Variants in HELLS observed in about 807,000 individuals in gnomAD.
The protein encoded by HELLS is helicase, lymphoid specific.
A neutral mutation model predicts 120.0 loss-of-function variants in HELLS; 32 were observed. The ratio of observed to expected loss-of-function variants is 0.27; its 90% confidence interval spans 0.20 to 0.36. The LOEUF (loss-of-function observed/expected upper bound fraction) is 0.36, where lower values mean the gene tolerates loss of function less well. Ranked by LOEUF, HELLS falls within the 10% of genes least tolerant of loss-of-function variation. The pLI is 1.00. For synonymous variants in HELLS, 341 were observed against 323.4 expected (o/e 1.05, Z -0.58); for missense variants, 650 against 993.4 (o/e 0.65, Z 4.65).
At chr10:94,567,428 A>G (rs775317337) in intron 6 of HELLS, among the ~76,000 whole-genome samples, 1 of 151,912 alleles carries the variant, frequency 6.6e-6, no homozygotes, top group Admixed American at 6.6e-5. Flanking sequence ...CCTTCCGAGT[A>G]GCTAGGATTA....
rs1368971434 is a variant in HELLS, at chr10:94,571,403, G to A, written c.451G>A (p.Ala151Thr). ...VMSKEEILSV[A>T]KKNKKENEDE... ...AAACTACTAGGAAATTTTGTCTGTG[G>A]CTAAAAAAAATAAAAAGGAGAATGA... Residue 151 changes from alanine to threonine, a missense_variant, in exon 7 of 22, where the codon GCT becomes ACT. Physicochemically the swap from Ala to Thr is moderately conservative, Grantham distance 58 (BLOSUM62 0). This residue lies in a region of HELLS where 113 missense variants were observed against 120.7 expected (regional missense o/e 0.94). Coordinates refer to ENST00000348459, the MANE Select transcript of HELLS (RefSeq NM_018063.5). The A allele has an allele frequency of 4.7e-6, 7 of 1,490,326 alleles. No homozygotes were observed. Among genetic ancestry groups the A allele is most frequent in the Middle Eastern group, 3.5e-4 (2 of 5,700 alleles). The allele number at this position is 1,490,326 out of a possible 1,614,324, so 92.3% of individuals were successfully genotyped here. A position where few individuals can be genotyped will look rare whatever the true frequency, so the allele number is the denominator to read the frequency against.
chr10:94,571,321 T>C, intron 6 of HELLS, 67 bp from the exon 7 acceptor site: 2 of 1,253,054 alleles, frequency 1.6e-6, no homozygotes, highest in Non-Finnish European at 2.3e-6. Context: ...GAATAAATGC[T>C]TGTTGAATAA....
At chr10:94,547,162 T>C (rs1842785738) in intron 2 of HELLS, among the ~76,000 whole-genome samples, 1 of 152,224 alleles carries the variant, frequency 6.6e-6, no homozygotes, top group Non-Finnish European at 1.5e-5. Flanking sequence ...TTGTTTATTC[T>C]AAAGCCCCAC....
chr10:94,573,501 T>C (rs1434851579), intron 7 of HELLS, among the ~76,000 whole-genome samples: 1 of 152,054 alleles, frequency 6.6e-6, no homozygotes, highest in Non-Finnish European at 1.5e-5. Context: ...TGGAGTCTTC[T>C]GTCACCCAGG....
rs1375184062 is a variant in HELLS at position 94,597,836 on chromosome 10, C to T, written c.2422+725C>T. 2.0e-5 allele frequency among the ~76,000 whole-genome samples: 3 copies of T among 152,058 alleles called. 1 individual carries two copies. The highest frequency in any genetic ancestry group is 1.3e-4 in the Admixed American group (2 of 15,256). On this transcript the variant is annotated intron_variant, in intron 21 of 21. Coordinates refer to ENST00000348459, the MANE Select transcript of HELLS (RefSeq NM_018063.5). The stretch of plus-strand genomic sequence containing the variant: ...GCATGAGCCACTGCACCAAGCCTAA[C>T]GTGGTGATTTTTAGTATCCCTTGAA...
At chr10:94,558,984 G>A (rs1056499595) in intron 4 of HELLS, among the ~76,000 whole-genome samples, 10 of 152,112 alleles carry the variant, frequency 6.6e-5, no homozygotes, top group African/African-American at 2.4e-4. Flanking sequence ...GATGCAAGGA[G>A]ATAAAGAACA....
At chr10:94,554,397 AC>A in intron 3 of HELLS, 149 bp downstream of exon 3, 1 of 523,534 alleles carries the variant, frequency 1.9e-6, no homozygotes, top group Non-Finnish European at 3.2e-6. Flanking sequence ...CTGTGTAACC[AC>A]CAGCACAATC....
downstream of HELLS, among the ~76,000 whole-genome samples, chr10:94,603,971 G>A (rs1418860462): frequency 6.6e-6 from 1 of 152,060 alleles, no homozygotes; most frequent in African/African-American, 2.4e-5. Flanking sequence ...GGGGTTACAG[G>A]TGCATGCCAC....
In HELLS at chr10:94,574,118, T is replaced by A; in HGVS notation, c.636T>A (p.Phe212Leu). The A allele has an allele frequency of 1.9e-6, 3 of 1,614,126 alleles. No individual in the cohort carries two copies. The highest frequency in any genetic ancestry group is 1.7e-6 in the Non-Finnish European group (2 of 1,180,010). The change falls in exon 8 of 22, where the codon TTT (phenylalanine) becomes TTA (leucine). Residue 212 changes from phenylalanine to leucine, a missense_variant. By Grantham distance (22) the Phe-to-Leu change is conservative. Transcript: ENST00000348459. ...AGTGTAATGGTCAGCCAGTACCTTT[T>A]CAACAACCAAAGCACTTCACTGGAG... ...VRKCNGQPVP[F>L]QQPKHFTGGV...
In HELLS at chr10:94,590,663, G is replaced by C. The variant is rs1408066952; in HGVS notation, c.1654G>C (p.Val552Leu). The C allele has an allele frequency of 6.2e-7, 1 of 1,610,532 alleles. No homozygotes were observed. The highest frequency in any genetic ancestry group is 1.7e-5 in the Admixed American group (1 of 59,154). Residue 552 changes from valine to leucine, a missense_variant, in exon 15 of 22, where the codon GTA (valine) becomes CTA (leucine). Transcript: ENST00000348459. Reference protein sequence around the residue: ...ERAVVEVNIPVESEVNLKLQN... With the variant: ...ERAVVEVNIPLESEVNLKLQN... The stretch of plus-strand genomic sequence containing the variant: ...AGCTGTTGTGGAAGTGAATATCCCT[G>C]TAGAATCTGAAGTTAATCTGAAGCT...
At position 94,581,328 on chromosome 10, in the gene HELLS, T is replaced by C. The variant is rs773771433; in HGVS notation, c.1035T>C (p.His345=). The C allele has an allele frequency of 3.3e-6, 5 of 1,527,164 alleles. No homozygotes were observed. In the African/African-American group the frequency reaches 7.0e-5, roughly 21 times the overall value. The allele number at this position is 1,527,164 out of a possible 1,614,324, so 94.6% of individuals were successfully genotyped here. A position where few individuals can be genotyped will look rare whatever the true frequency, so the allele number is the denominator to read the frequency against. ...TTTTTCCTCAATTCGTTTTCTAGCA[T>C]TGCTATTGGAAATACTTAATAGTAG... The part of the protein sequence containing the change: ...IAMRDRNALQ[H]CYWKYLIVDE... Residue 345 remains histidine (H), a splice_region_variant and synonymous_variant, in exon 11 of 22, where the codon CAT becomes CAC. Transcript: ENST00000348459.
At chr10:94,564,839 C>CA (rs1002837859) in intron 6 of HELLS, among the ~76,000 whole-genome samples, 4 of 152,060 alleles carry the variant, frequency 2.6e-5, no homozygotes, top group Non-Finnish European at 5.9e-5. Flanking sequence ...AGGTGATCCT[C>CA]ACGCCTTTAT....
chr10:94,554,988 G>C (rs1330344489), intron 3 of HELLS, among the ~76,000 whole-genome samples: 1 of 151,822 alleles, frequency 6.6e-6, no homozygotes, highest in Admixed American at 6.6e-5. Context: ...ATCTCTAATA[G>C]AAAAATTAGC....
chr10:94,558,917 C>G (rs1395516690), intron 4 of HELLS, among the ~76,000 whole-genome samples: 1 of 152,064 alleles, frequency 6.6e-6, no homozygotes, highest in Non-Finnish European at 1.5e-5. Flanking sequence ...CCCTTACTCT[C>G]ACAACAGTTC....
chr10:94,550,570 A>G (rs112310040), intron 2 of HELLS, among the ~76,000 whole-genome samples: 2 of 151,964 alleles, frequency 1.3e-5, no homozygotes, highest in African/African-American at 2.4e-5. Flanking sequence ...GTGAGCCACC[A>G]TGCCTGGCTG....
At chr10:94,576,334 T>G (rs563609663) in intron 9 of HELLS, among the ~76,000 whole-genome samples, 1 of 152,320 alleles carries the variant, frequency 6.6e-6, no homozygotes, top group South Asian at 2.1e-4. Context: ...GTATTTTTTG[T>G]AGAGATGGGA....
At chr10:94,550,842 A>C (rs1842949317) in intron 2 of HELLS, 1 of 151,928 alleles carries the variant, frequency 6.6e-6, no homozygotes, top group South Asian at 2.1e-4. Flanking sequence ...CATTGAGCCG[A>C]GATCTCACCA....
rs189781970 is a variant in HELLS, at chr10:94,595,015, G to C, written c.2248+161G>C. On this transcript the variant is annotated intron_variant, in intron 19 of 21. Coordinates refer to ENST00000348459, the MANE Select transcript of HELLS (RefSeq NM_018063.5). The stretch of plus-strand genomic sequence containing the variant: ...GATGCCAAGGTGAGTGGATCACGAG[G>C]TCAGGAGTTCGAGACCAGGCTGGCC... Among the ~76,000 whole-genome samples, 227 of 152,252 alleles carry C rather than the reference G, an allele frequency of 1.5e-3. 2 individuals carry two copies. The highest frequency in any genetic ancestry group is 5.2e-3 in the African/African-American group (218 of 41,554).
chr10:94,605,072 T>TTTCCC (rs1846113354), downstream of HELLS, among the ~76,000 whole-genome samples: 1 of 66,824 alleles, frequency 1.5e-5, no homozygotes, highest in Non-Finnish European at 2.6e-5. Context: ...GTCTTGTGTC[T>TTTCCC]CCCCCCCCCC....
Sources: gnomAD v4.1 joint callset for allele counts (sites outside exome capture counted in the v4.1 genomes callset) on GRCh38, gnomAD v4.1.1 for gene constraint, gnomAD v4.1.1 regional missense constraint, MANE v1.5 for transcripts, NCBI Gene and HGNC (gene_info 2026-07-23, HGNC 2026-07-21) for gene names.